THEMIS: variants seen among roughly 807,000 people sequenced by gnomAD.
The protein encoded by THEMIS is protein THEMIS.
A neutral mutation model predicts 52.6 loss-of-function variants in THEMIS; 37 were observed. The observed-to-expected ratio is 0.70, with a 90% CI of 0.54 to 0.93. THEMIS has a LOEUF of 0.93. Among genes scored for constraint, THEMIS ranks in the 40% least tolerant of loss-of-function variants. The probability of loss-of-function intolerance (pLI) is 0.00; values close to 1 mark genes in which losing one functional copy is unlikely to be tolerated. For synonymous variants in THEMIS, 292 were observed against 272.7 expected, an observed-to-expected ratio of 1.07 and a Z score of -0.70; for missense variants, 808 against 763.1, an observed-to-expected ratio of 1.06 and a Z score of -0.69.
downstream of THEMIS, among the ~76,000 whole-genome samples, chr6:127,704,761 G>A (rs187078889): frequency 1.3e-5 from 2 of 152,306 alleles, no homozygotes; most frequent in Admixed American, 1.3e-4. Flanking sequence ...GTGCCAATGA[G>A]TGACTGATGA....
chr6:127,786,230 A>T (rs559921343), intron 4 of THEMIS, among the ~76,000 whole-genome samples: 1 of 152,174 alleles, frequency 6.6e-6, no homozygotes, highest in African/African-American at 2.4e-5. Flanking sequence ...GTTCTAGCCT[A>T]CATATTTGAA....
chr6:127,791,099 G>A (rs146866267), intron 4 of THEMIS, among the ~76,000 whole-genome samples: 4 of 152,332 alleles, frequency 2.6e-5, no homozygotes, highest in Non-Finnish European at 5.9e-5. Context: ...TTTCAGCCCT[G>A]TTTGTGTTAC....
In THEMIS at chr6:127,907,337, A is replaced by ATTTTTTTTTTTTTTTTTTT. The variant is rs58472332; in HGVS notation, c.-149-6275_-149-6257dup. The stretch of plus-strand genomic sequence containing the variant: ...AATACCATTAGGGCATTAGGCTCGG[A>ATTTTTTTTTTTTTTTTTTT]TTTTTTTTTTTTTTTTTTTTTTTTT... On this transcript the variant is annotated intron_variant, in intron 1 of 6. Coordinates refer to the THEMIS transcript ENST00000368250. Among the ~76,000 whole-genome samples the ATTTTTTTTTTTTTTTTTTT allele has an allele frequency of 2.1e-3, 103 of 49,462 alleles. 29 individuals carry two copies. Among genetic ancestry groups the ATTTTTTTTTTTTTTTTTTT allele is most frequent in the Non-Finnish European group, 2.8e-3 (74 of 26,672 alleles). 32.4% of individuals were successfully genotyped at this position (49,462 alleles called of 152,430 possible).
chr6:127,862,679 C>A (rs1779847304), intron 1 of THEMIS, among the ~76,000 whole-genome samples: 1 of 151,842 alleles, frequency 6.6e-6, no homozygotes, highest in Non-Finnish European at 1.5e-5. Context: ...CTCGGCCTCC[C>A]AAAGTGCTGA....
At chr6:127,903,836 T>A (rs1023272833), upstream of THEMIS, among the ~76,000 whole-genome samples, 6 of 151,978 alleles carry the variant, frequency 3.9e-5, no homozygotes, top group African/African-American at 1.4e-4. Context: ...AAGACTTCTA[T>A]TTCTGGCTAT....
chr6:127,747,555 T>A (rs909059974), intron 4 of THEMIS, among the ~76,000 whole-genome samples: 11 of 151,388 alleles, frequency 7.3e-5, no homozygotes, highest in African/African-American at 2.7e-4. Context: ...AGAAGATTCA[T>A]CAAAATTGTT....
At chr6:127,750,945 C>T (rs912582562) in intron 4 of THEMIS, among the ~76,000 whole-genome samples, 9 of 151,536 alleles carry the variant, frequency 5.9e-5, no homozygotes, top group Admixed American at 2.6e-4. Flanking sequence ...TATCATCTCT[C>T]GACCTTACAA....
At chr6:127,770,767 T>G (rs1348571620) in intron 4 of THEMIS, among the ~76,000 whole-genome samples, 1 of 152,236 alleles carries the variant, frequency 6.6e-6, no homozygotes, top group African/African-American at 2.4e-5. Flanking sequence ...AACATTTAAG[T>G]CTTTAATCCA....
chr6:127,908,779 C>T lies in THEMIS; in HGVS notation c.-149-7698G>A, dbSNP rs138254233. Among the ~76,000 whole-genome samples, 997 of 152,164 alleles carry T rather than the reference C, an allele frequency of 6.6e-3. 11 individuals carry two copies. Among genetic ancestry groups the T allele is most frequent in the African/African-American group, 0.023 (958 of 41,522 alleles). ...GCAATATGTCTGTAGAAAGGGTATG[C>T]CCACTTTAACAGCTCTTTTCTCTTT... On this transcript the variant is annotated intron_variant, in intron 1 of 6. Coordinates refer to the THEMIS transcript ENST00000368250.
intron 1 of THEMIS, among the ~76,000 whole-genome samples, chr6:127,862,432 T>A (rs1373255704): frequency 7.7e-6 from 1 of 129,608 alleles, no homozygotes; most frequent in Admixed American, 7.8e-5. Context: ...GAGTAAATTT[T>A]TTTTTTTTTT....
intron 4 of THEMIS, among the ~76,000 whole-genome samples, chr6:127,742,337 AAAAC>A (rs1250913334): frequency 1.3e-5 from 2 of 150,514 alleles, no homozygotes; most frequent in South Asian, 2.1e-4. Context: ...AACAAACAAA[AAAAC>A]AAACAAAAAA....
At chr6:127,908,288 C>A (rs1340664779) in intron 1 of THEMIS, among the ~76,000 whole-genome samples, 1 of 152,104 alleles carries the variant, frequency 6.6e-6, no homozygotes, top group Non-Finnish European at 1.5e-5. Context: ...TACATTTTAG[C>A]TGACCATGCC....
Position 127,745,881 on chromosome 6 carries a change from G to A in THEMIS, c.1759-26058C>T, listed in dbSNP as rs141796522. Among the ~76,000 whole-genome samples the A allele has an allele frequency of 1.1e-4, 17 of 151,870 alleles. No individual in the cohort carries two copies. In the East Asian group the frequency reaches 3.1e-3, roughly 28 times the overall value. The stretch of plus-strand genomic sequence containing the variant: ...GAGAATCATACCTGTGAATTCTCTT[G>A]CTTTGAAGAATTTAACACATTATGT... On this transcript the variant is annotated intron_variant, in intron 4 of 5. Transcript: ENST00000368248.
Position 127,709,884 on chromosome 6 carries a change from TG to T in THEMIS, c.*100del. 1 of 990,832 alleles carries T rather than the reference TG, an allele frequency of 1.0e-6. No individual in the cohort carries two copies. Among genetic ancestry groups the T allele is most frequent in the Non-Finnish European group, 1.5e-6 (1 of 664,140 alleles). 61.4% of individuals were successfully genotyped at this position (990,832 alleles called of 1,614,324 possible). A position where few individuals can be genotyped will look rare whatever the true frequency, so the allele number is the denominator to read the frequency against. ...TTGCAGCGATGAATCAAGTTTCTTCTGGAGTCCATTGGGGAATACTCGTTTT... is the reference window on the plus strand; with the variant it reads ...TTGCAGCGATGAATCAAGTTTCTTCTGAGTCCATTGGGGAATACTCGTTTT... On this transcript the variant is annotated 3_prime_UTR_variant, in exon 6 of 6. Coordinates refer to ENST00000368248, the MANE Select transcript of THEMIS (RefSeq NM_001010923.3).
At position 127,799,557 on chromosome 6, in the gene THEMIS, T is replaced by A. The variant is rs142258996; in HGVS notation, c.1758+13326A>T. ...TTTCTTTCTTTCTTTCTTTCTATCTTTCTTTCTTTCTTTCTTTCTTTCTTT... is the reference window on the plus strand; with the variant it reads ...TTTCTTTCTTTCTTTCTTTCTATCTATCTTTCTTTCTTTCTTTCTTTCTTT... On this transcript the variant is annotated intron_variant, in intron 4 of 5. Transcript: ENST00000368248. Among the ~76,000 whole-genome samples the A allele has an allele frequency of 1.8e-3, 96 of 52,712 alleles. 1 individual carries two copies. Among genetic ancestry groups the A allele is most frequent in the Admixed American group, 2.6e-3 (19 of 7,328 alleles). 34.6% of individuals were successfully genotyped at this position (52,712 alleles called of 152,430 possible). A position where few individuals can be genotyped will look rare whatever the true frequency, so the allele number is the denominator to read the frequency against.
chr6:127,710,152 G>A, intron 5 of THEMIS, 136 bp from the exon 6 acceptor site: 1 of 496,694 alleles, frequency 2.0e-6, no homozygotes, highest in Non-Finnish European at 3.4e-6. Context: ...AGCAGAAAGA[G>A]CCAGCAAAAT....
intron 4 of THEMIS, among the ~76,000 whole-genome samples, chr6:127,770,241 G>A (rs187208635): frequency 1.1e-4 from 17 of 152,212 alleles, no homozygotes; most frequent in Non-Finnish European, 1.9e-4. Flanking sequence ...TCCCACCAAC[G>A]GTGTAAAAGC....
the THEMIS span, among the ~76,000 whole-genome samples, chr6:127,698,625 A>G: frequency 0.3 from 45,878 of 151,874 alleles, 8,910 homozygotes; most frequent in Non-Finnish European, 0.44. Flanking sequence ...ATTCACTCAG[A>G]TGAAACAATC....
intron 1 of THEMIS, among the ~76,000 whole-genome samples, chr6:127,857,207 G>A (rs1204719467): frequency 6.6e-6 from 1 of 151,874 alleles, no homozygotes; most frequent in Non-Finnish European, 1.5e-5. Flanking sequence ...TTAGGAGAAG[G>A]GTGTAATAAA....
Sources: gnomAD v4.1 joint callset for allele counts (sites outside exome capture counted in the v4.1 genomes callset) on GRCh38, gnomAD v4.1.1 for gene constraint, MANE v1.5 for transcripts, NCBI Gene and HGNC (gene_info 2026-07-23, HGNC 2026-07-21) for gene names.